The following PLCZ1 variants were observed in gnomAD, a reference collection of about 807,000 sequenced individuals.
The protein encoded by PLCZ1 is phospholipase C zeta 1, also known as 1-phosphatidylinositol 4,5-bisphosphate phosphodiesterase zeta-1.
PLCZ1 carries 64 observed loss-of-function variants against 76.8 expected under a neutral mutation model. That is an observed-to-expected ratio of 0.83 (90% confidence interval 0.68 to 1.03). PLCZ1 has a LOEUF of 1.03. Among genes scored for constraint, PLCZ1 ranks in the 50% least tolerant of loss-of-function variants. The pLI is 0.00. For missense variants in PLCZ1, 751 were observed against 713.7 expected, an observed-to-expected ratio of 1.05 and a Z score of -0.60; for synonymous variants, 248 against 230.8, an observed-to-expected ratio of 1.07 and a Z score of -0.68.
chr12:18,725,879 CTCTGTA>C (rs1565736048), intron 3 of PLCZ1, among the ~76,000 whole-genome samples: 2 of 152,124 alleles, frequency 1.3e-5, no homozygotes, highest in Non-Finnish European at 2.9e-5. Flanking sequence ...AGAAATCTTC[CTCTGTA>C]TCTCCTCCCC....
the PLCZ1 span, chr12:18,648,100 T>A: frequency 1.7e-5 from 15 of 902,756 alleles, no homozygotes; most frequent in Non-Finnish European, 2.1e-5. Context: ...CTGAATCACA[T>A]AAGTAAGGCA....
intron 3 of PLCZ1, among the ~76,000 whole-genome samples, chr12:18,733,117 T>C (rs1473377847): frequency 2.0e-5 from 3 of 152,152 alleles, no homozygotes; most frequent in Admixed American, 1.3e-4. Flanking sequence ...TGCCAACACT[T>C]TTCTGTTGTA....
At position 18,737,962 on chromosome 12, in the gene PLCZ1, A is replaced by C; in HGVS notation, c.-169T>G. On this transcript the variant is annotated 5_prime_UTR_variant, in exon 1 of 15. Transcript: ENST00000266505. The stretch of plus-strand genomic sequence containing the variant: ...TCGAAGAAGACTGTTCAGGAGGCTA[A>C]GTTCTTAAAATCTTCAAAAGAGGTA... The C allele has an allele frequency of 5.4e-6, 2 of 369,696 alleles. No homozygotes were observed. Among genetic ancestry groups the C allele is most frequent in the South Asian group, 5.3e-5 (1 of 18,926 alleles). 22.9% of individuals were successfully genotyped at this position (369,696 alleles called of 1,614,324 possible). A position where few individuals can be genotyped will look rare whatever the true frequency, so the allele number is the denominator to read the frequency against.
the PLCZ1 span, among the ~76,000 whole-genome samples, chr12:18,666,356 A>T: frequency 1.3e-5 from 2 of 152,108 alleles, no homozygotes; most frequent in Non-Finnish European, 2.9e-5. Context: ...GACACTCCTT[A>T]GATTTACAGA....
At chr12:18,668,427 A>C in the PLCZ1 span, among the ~76,000 whole-genome samples, 1 of 152,208 alleles carries the variant, frequency 6.6e-6, no homozygotes. Flanking sequence ...ATCAGAAATC[A>C]AATGGAACCC....
At chr12:18,648,478 T>C in the PLCZ1 span, 2 of 181,886 alleles carry the variant, frequency 1.1e-5, no homozygotes, top group African/African-American at 4.7e-5. Context: ...TACCTACTCA[T>C]AATCTTACTT....
At chr12:18,721,287 C>T (rs5025417) in intron 4 of PLCZ1, among the ~76,000 whole-genome samples, 79,609 of 151,406 alleles carry the variant, frequency 0.53, 24,005 homozygotes, top group East Asian at 0.66. Context: ...CTGTCACATA[C>T]CAATGAGGGA....
downstream of PLCZ1, among the ~76,000 whole-genome samples, chr12:18,678,967 G>T (rs1028933384): frequency 2.0e-5 from 3 of 152,040 alleles, no homozygotes; most frequent in Admixed American, 2.0e-4. Flanking sequence ...AGCAGTGATT[G>T]AGTTCAGTTC....
At chr12:18,664,058 C>T in the PLCZ1 span, among the ~76,000 whole-genome samples, 74 of 152,224 alleles carry the variant, frequency 4.9e-4, no homozygotes, top group Non-Finnish European at 8.1e-4. Flanking sequence ...AACACTCACA[C>T]TCATTAGGAT....
Position 18,694,970 on chromosome 12 carries a change from ACT to A in PLCZ1, c.1399_1400del (p.Ser467Ter). 1 of 1,607,678 alleles carries A rather than the reference ACT, an allele frequency of 6.2e-7. No homozygotes were observed. The highest frequency in any genetic ancestry group is 8.5e-7 in the Non-Finnish European group (1 of 1,174,704). On this transcript the variant is annotated frameshift_variant, in exon 12 of 15. Coordinates refer to ENST00000266505, the MANE Select transcript of PLCZ1 (RefSeq NM_033123.4). LOFTEE classifies it high-confidence loss of function. ...TGTTACTTGGGTTAAAGTATGATTTACTCTCTCTTAAGAAATGTGGTTTCAAA... is the reference window on the plus strand; with the variant it reads ...TGTTACTTGGGTTAAAGTATGATTTACTCTCTTAAGAAATGTGGTTTCAAA... ...YILKPHFLRE[S>X]KSYFNPSNIK... is the part of the protein sequence containing the mutation.
At chr12:18,693,834 TCC>T in intron 12 of PLCZ1, 1 of 1,529,678 alleles carries the variant, frequency 6.5e-7, no homozygotes, top group Non-Finnish European at 9.0e-7. Context: ...AAGATTGAGT[TCC>T]CCCTGCCTGA....
intron 8 of PLCZ1, 50 bp downstream of exon 8, chr12:18,701,642 C>G (rs1013045119): frequency 8.3e-6 from 11 of 1,317,984 alleles, no homozygotes; most frequent in Non-Finnish European, 1.1e-5. Flanking sequence ...CCTCCTCCTC[C>G]TCCTCCTCCT....
At chr12:18,665,163 TAAA>T in the PLCZ1 span, among the ~76,000 whole-genome samples, 9 of 148,626 alleles carry the variant, frequency 6.1e-5, no homozygotes, top group African/African-American at 2.2e-4. Context: ...ATAATAATAA[TAAA>T]AAATAAAAAA....
chr12:18,662,970 G>GA, the PLCZ1 span, among the ~76,000 whole-genome samples: 3 of 152,026 alleles, frequency 2.0e-5, no homozygotes, highest in African/African-American at 7.2e-5. Context: ...AAGGCATGTA[G>GA]AAACCAAATA....
the PLCZ1 span, among the ~76,000 whole-genome samples, chr12:18,650,710 AT>A: frequency 1.4e-4 from 1 of 7,060 alleles, no homozygotes; most frequent in Non-Finnish European, 2.6e-4. Flanking sequence ...GTGTGTATAT[AT>A]CTATATATAT....
the PLCZ1 span, among the ~76,000 whole-genome samples, chr12:18,661,528 G>A: frequency 6.6e-6 from 1 of 151,986 alleles, no homozygotes; most frequent in African/African-American, 2.4e-5. Flanking sequence ...ATAAATAAGG[G>A]ATAAACAAGA....
chr12:18,650,517 T>C, the PLCZ1 span, among the ~76,000 whole-genome samples: 1 of 150,446 alleles, frequency 6.6e-6, no homozygotes, highest in South Asian at 2.1e-4. Flanking sequence ...AAAATTAAGC[T>C]ATTTTGTATG....
chr12:18,712,671 T>C (rs1032417943), intron 6 of PLCZ1, among the ~76,000 whole-genome samples, 171 bp downstream of exon 6: 3 of 152,190 alleles, frequency 2.0e-5, no homozygotes, highest in Admixed American at 6.5e-5. Context: ...CTAACTTTGA[T>C]AAATCTACCT....
chr12:18,719,741 A>C, intron 4 of PLCZ1, 109 bp from the exon 5 acceptor site: 1 of 690,828 alleles, frequency 1.4e-6, no homozygotes, highest in South Asian at 2.7e-5. Context: ...TATTTCTAAA[A>C]TATTCCTTTA....
Sources: gnomAD v4.1 joint callset for allele counts (sites outside exome capture counted in the v4.1 genomes callset) on GRCh38, gnomAD v4.1.1 for gene constraint, MANE v1.5 for transcripts, NCBI Gene and HGNC (gene_info 2026-07-23, HGNC 2026-07-21) for gene names.